The following OSBPL8 variants were observed in gnomAD, a reference collection of about 807,000 sequenced individuals.
OSBPL8 encodes oxysterol-binding protein-related protein 8.
Under a neutral mutation model 125.5 loss-of-function variants are expected in OSBPL8, and 59 were observed. The observed-to-expected ratio is 0.47, with a 90% CI of 0.38 to 0.58. The LOEUF is 0.58. Among genes scored for constraint, OSBPL8 ranks in the 20% least tolerant of loss-of-function variants. The pLI is 0.00. For synonymous variants in OSBPL8, 330 were observed against 338.9 expected (o/e 0.97, Z 0.29); for missense variants, 758 against 1,047.8 (o/e 0.72, Z 3.82).
chr12:76,525,239 T>C (rs958227422), intron 1 of OSBPL8, among the ~76,000 whole-genome samples: 1 of 152,144 alleles, frequency 6.6e-6, no homozygotes, highest in African/African-American at 2.4e-5. Flanking sequence ...CATTAAGAAA[T>C]TTTCCTGATA....
chr12:76,531,991 C>T (rs1022895589), intron 1 of OSBPL8, among the ~76,000 whole-genome samples: 3 of 143,084 alleles, frequency 2.1e-5, no homozygotes, highest in Non-Finnish European at 4.5e-5. Context: ...GAGCCGAGAT[C>T]GCGCCACTGC....
chr12:76,541,530 C>T (rs1950645224), intron 1 of OSBPL8, among the ~76,000 whole-genome samples: 1 of 151,692 alleles, frequency 6.6e-6, no homozygotes, highest in Admixed American at 6.6e-5. Context: ...GATGTAAATG[C>T]ATACTGCTTC....
intron 5 of OSBPL8, among the ~76,000 whole-genome samples, chr12:76,409,065 C>T (rs1386385226): frequency 6.6e-6 from 1 of 151,934 alleles, no homozygotes; most frequent in Non-Finnish European, 1.5e-5. Context: ...TTATTTCCTA[C>T]TTTCTTTAAT....
intron 1 of OSBPL8, among the ~76,000 whole-genome samples, chr12:76,523,345 A>G (rs767971291): frequency 3.9e-5 from 6 of 152,222 alleles, no homozygotes; most frequent in Non-Finnish European, 7.3e-5. Flanking sequence ...TAATGGAAGA[A>G]TAAGGGTGGA....
rs190011118 is a variant in OSBPL8 at position 76,490,906 on chromosome 12, G to A, written c.-67-3288C>T. On this transcript the variant is annotated intron_variant, in intron 1 of 23. Transcript: ENST00000261183. ...GATGCTGCAGCAGAGCCTGCACGGA[G>A]TTCGCTCCTGCCAGTGCCCAAAAGC... Among the ~76,000 whole-genome samples, 150 of 152,346 alleles carry A rather than the reference G, an allele frequency of 9.8e-4. 1 individual carries two copies. Among genetic ancestry groups the A allele is most frequent in the Non-Finnish European group, 2.1e-4 (14 of 68,040 alleles).
chr12:76,534,752 C>T (rs1036916820), intron 1 of OSBPL8, among the ~76,000 whole-genome samples: 1 of 152,090 alleles, frequency 6.6e-6, no homozygotes, highest in African/African-American at 2.4e-5. Context: ...AAGATTTACA[C>T]TACCTTCAAA....
intron 1 of OSBPL8, among the ~76,000 whole-genome samples, chr12:76,548,410 T>C (rs1054431520): frequency 2.6e-5 from 4 of 152,068 alleles, no homozygotes; most frequent in African/African-American, 9.7e-5. Flanking sequence ...TGGAAATAAA[T>C]AGTAGGGTTA....
rs568757216 is a variant in OSBPL8 at position 76,441,674 on chromosome 12, A to G, written c.217+9177T>C. ...AATGTTATATTAAGTTAAAAAATAT[A>G]TAAAAGAACATTTTTTCAAGGAAAA... On this transcript the variant is annotated intron_variant, in intron 4 of 23. Coordinates refer to ENST00000261183, the MANE Select transcript of OSBPL8 (RefSeq NM_020841.5). Among the ~76,000 whole-genome samples, 8 of 152,282 alleles carry G rather than the reference A, an allele frequency of 5.3e-5. No homozygotes were observed. The South Asian group carries it at 1.7e-3, about 32-fold the overall frequency.
intron 1 of OSBPL8, among the ~76,000 whole-genome samples, chr12:76,514,380 T>C (rs1317961791): frequency 6.6e-6 from 1 of 151,898 alleles, no homozygotes; most frequent in Non-Finnish European, 1.5e-5. Flanking sequence ...CTTGAACTCC[T>C]GACCTTGTGA....
At chr12:76,369,424 C>G in intron 20 of OSBPL8, 123 bp from the exon 21 acceptor site, 1 of 1,413,908 alleles carries the variant, frequency 7.1e-7, no homozygotes, top group Non-Finnish European at 9.3e-7. Context: ...TGAGATTTCC[C>G]CATACCTAAT....
rs768518839 is a variant in OSBPL8 at position 76,399,912 on chromosome 12, G to A, written c.429C>T (p.Ile143=). The A allele has an allele frequency of 1.9e-6, 3 of 1,607,360 alleles. No homozygotes were observed. The highest frequency in any genetic ancestry group is 2.5e-6 in the Non-Finnish European group (3 of 1,178,162). ...KRATKELLST[I]TDPSVIVMAD... is the part of the protein sequence containing the mutation. ...CCATAACAATAACAGAAGGATCTGT[G>A]ATTGTACTGAGCAGCTCCTTTGTGG... is the stretch of plus-strand genomic sequence containing the variant. The change falls in exon 7 of 24, where the codon ATC becomes ATT. Residue 143 remains isoleucine (I), a synonymous_variant. Transcript: ENST00000261183.
intron 4 of OSBPL8, among the ~76,000 whole-genome samples, chr12:76,443,861 T>A (rs1422335528): frequency 1.3e-5 from 2 of 152,094 alleles, no homozygotes; most frequent in Non-Finnish European, 2.9e-5. Context: ...CTCAAATAAA[T>A]CAAAACAAAT....
At chr12:76,518,029 C>T (rs1302872366) in intron 1 of OSBPL8, among the ~76,000 whole-genome samples, 4 of 152,210 alleles carry the variant, frequency 2.6e-5, no homozygotes, top group African/African-American at 7.2e-5. Context: ...TCTACTCACA[C>T]TGCAAAATAC....
intron 4 of OSBPL8, among the ~76,000 whole-genome samples, chr12:76,417,770 C>G (rs558578442): frequency 1.3e-4 from 20 of 152,068 alleles, no homozygotes; most frequent in African/African-American, 4.6e-4. Flanking sequence ...TTTTAAAAAC[C>G]GTAAACAGAG....
At chr12:76,480,060 G>C (rs541145759) in intron 2 of OSBPL8, among the ~76,000 whole-genome samples, 2 of 151,142 alleles carry the variant, frequency 1.3e-5, no homozygotes, top group East Asian at 3.9e-4. Context: ...CCAGCTACTC[G>C]GGAGGCTGAG....
At chr12:76,517,690 T>C (rs1881689224) in intron 1 of OSBPL8, among the ~76,000 whole-genome samples, 2 of 152,224 alleles carry the variant, frequency 1.3e-5, no homozygotes, top group Admixed American at 1.3e-4. Context: ...CTACCGGTGA[T>C]ACAGAAGCAT....
intron 1 of OSBPL8, among the ~76,000 whole-genome samples, chr12:76,491,157 G>GAA (rs1263567491): frequency 6.6e-6 from 1 of 152,176 alleles, no homozygotes; most frequent in Non-Finnish European, 1.5e-5. Context: ...GGAGTTCCAT[G>GAA]AAGGGGTCAG....
chr12:76,446,160 T>G (rs951115437), intron 4 of OSBPL8, among the ~76,000 whole-genome samples: 1 of 152,182 alleles, frequency 6.6e-6, no homozygotes, highest in African/African-American at 2.4e-5. Flanking sequence ...CCTTTAAATG[T>G]TATGCACTAT....
chr12:76,431,596 T>C (rs1319000748), intron 4 of OSBPL8, among the ~76,000 whole-genome samples: 1 of 152,030 alleles, frequency 6.6e-6, no homozygotes, highest in Admixed American at 6.6e-5. Context: ...ATGCAAAGAG[T>C]AGAAGTGGCT....
Sources: gnomAD v4.1 joint callset for allele counts (sites outside exome capture counted in the v4.1 genomes callset) on GRCh38, gnomAD v4.1.1 for gene constraint, MANE v1.5 for transcripts, NCBI Gene and HGNC (gene_info 2026-07-23, HGNC 2026-07-21) for gene names.